Variants in DLG1 observed in about 807,000 individuals in gnomAD.
DLG1 encodes the protein discs large MAGUK scaffold protein 1, also known as disks large homolog 1.
Under a neutral mutation model 123.4 loss-of-function variants are expected in DLG1, and 42 were observed. The observed-to-expected ratio is 0.34, with a 90% CI of 0.27 to 0.44. DLG1 has a LOEUF of 0.44. DLG1 is among the 20% of genes least tolerant of loss of function. The pLI is 1.00. For synonymous variants in DLG1, 317 were observed against 356.2 expected (o/e 0.89, Z 1.24); for missense variants, 942 against 1,082.6 (o/e 0.87, Z 1.82).
chr3:197,050,942 A>G (rs1727181375), intron 24 of DLG1, among the ~76,000 whole-genome samples: 1 of 152,242 alleles, frequency 6.6e-6, no homozygotes, highest in Admixed American at 6.5e-5. Context: ...GCTAGAGAAA[A>G]TGGATCAAAA....
At position 197,106,117 on chromosome 3, in the gene DLG1, C is replaced by G. The variant is rs115447504; in HGVS notation, c.1444-1112G>C. 1.2e-4 allele frequency among the ~76,000 whole-genome samples: 19 copies of G among 152,096 alleles called. No individual in the cohort carries two copies. In the East Asian group the frequency reaches 3.7e-3, roughly 29 times the overall value. ...TATGCAACTAAATTTAAATACATAC[C>G]CCTTGAGGCTGGGCATGGTGGCTCA... On this transcript the variant is annotated intron_variant, in intron 13 of 24. Coordinates refer to ENST00000667157, the MANE Select transcript of DLG1 (RefSeq NM_001366207.1).
chr3:197,232,229 G>C (rs1267726316), intron 4 of DLG1, among the ~76,000 whole-genome samples: 4 of 151,956 alleles, frequency 2.6e-5, no homozygotes, highest in Non-Finnish European at 2.9e-5. Context: ...GACCAGGCAT[G>C]GTGGCTCACT....
intron 17 of DLG1, chr3:197,078,588 A>G (rs1748818318): frequency 2.0e-5 from 3 of 152,200 alleles, no homozygotes; most frequent in Admixed American, 2.0e-4. Flanking sequence ...CAGAAAAAGT[A>G]TTATGGAGAA....
Position 197,069,271 on chromosome 3 carries a change from A to G in DLG1, c.2006-11T>C. The G allele has an allele frequency of 6.3e-7, 1 of 1,575,844 alleles. No individual in the cohort carries two copies. Among genetic ancestry groups the G allele is most frequent in the Non-Finnish European group, 8.6e-7 (1 of 1,158,482 alleles). The stretch of plus-strand genomic sequence containing the variant: ...TAGAAGTTACATGCTCTGAAATTGC[A>G]GGACAATGAAAAAAAATAAAACAGT... On this transcript the variant is annotated splice_polypyrimidine_tract_variant and intron_variant, in intron 18 of 24. Transcript: ENST00000667157.
chr3:197,246,133 T>C (rs1751627600), intron 4 of DLG1, among the ~76,000 whole-genome samples: 1 of 152,142 alleles, frequency 6.6e-6, no homozygotes, highest in Admixed American at 6.5e-5. Flanking sequence ...GCGGACCGAT[T>C]ATTGGGCAGT....
chr3:197,134,472 C>CAAAAAAAAAAAAAAAAAAAA (rs11319273), intron 10 of DLG1, among the ~76,000 whole-genome samples: 1 of 96,578 alleles, frequency 1.0e-5, no homozygotes. Flanking sequence ...TTCATAATAC[C>CAAAAAAAAAAAAAAAAAAAA]AAAAAAAAAA....
chr3:197,160,697 T>C (rs2149883795), intron 5 of DLG1, among the ~76,000 whole-genome samples: 1 of 152,308 alleles, frequency 6.6e-6, no homozygotes, highest in South Asian at 2.1e-4. Flanking sequence ...ATGTTCCCAC[T>C]GACTTCACTT....
chr3:197,267,627 G>A (rs1188224379), intron 4 of DLG1, among the ~76,000 whole-genome samples: 1 of 150,842 alleles, frequency 6.6e-6, no homozygotes, highest in Non-Finnish European at 1.5e-5. Context: ...CACAGTAACT[G>A]TTCTCTTTTT....
At chr3:197,194,651 G>GT in intron 4 of DLG1, 62 bp from the exon 5 acceptor site, 2 of 1,243,950 alleles carry the variant, frequency 1.6e-6, no homozygotes, top group South Asian at 3.0e-5. Context: ...TCAAATCATG[G>GT]TTTTCATAAC....
chr3:197,290,599 G>T (rs1774347612), intron 3 of DLG1, among the ~76,000 whole-genome samples: 2 of 151,982 alleles, frequency 1.3e-5, no homozygotes. Context: ...CCCAAAATGA[G>T]AAAATTATAT....
At chr3:197,138,509 G>T in intron 8 of DLG1, 118 bp from the exon 9 acceptor site, 1 of 402,584 alleles carries the variant, frequency 2.5e-6, no homozygotes, top group Non-Finnish European at 3.8e-6. Flanking sequence ...AAATAATTCT[G>T]GAGTAATTCC....
chr3:197,128,839 T>G (rs969841350), intron 11 of DLG1, among the ~76,000 whole-genome samples: 3 of 151,370 alleles, frequency 2.0e-5, no homozygotes, highest in Admixed American at 6.6e-5. Flanking sequence ...AAAGGAGTGT[T>G]TTTTTTTTGT....
intron 9 of DLG1, among the ~76,000 whole-genome samples, chr3:197,137,283 G>A (rs1199790459): frequency 6.6e-6 from 1 of 152,116 alleles, no homozygotes; most frequent in Non-Finnish European, 1.5e-5. Flanking sequence ...AGCCATCAAT[G>A]TTTTAAAAAT....
At chr3:197,051,367 G>C (rs986610426) in intron 24 of DLG1, among the ~76,000 whole-genome samples, 11 of 152,158 alleles carry the variant, frequency 7.2e-5, no homozygotes, top group Non-Finnish European at 1.2e-4. Flanking sequence ...AGGTTGCGGT[G>C]AGCCGAGTCA....
intron 4 of DLG1, among the ~76,000 whole-genome samples, chr3:197,255,356 T>C (rs1466884983): frequency 1.3e-5 from 2 of 152,298 alleles, no homozygotes; most frequent in Non-Finnish European, 1.5e-5. Flanking sequence ...ACAGTGCTTA[T>C]GAAAAAATGT....
At chr3:197,095,788 A>G (rs957041132) in intron 14 of DLG1, among the ~76,000 whole-genome samples, 3 of 152,028 alleles carry the variant, frequency 2.0e-5, no homozygotes, top group African/African-American at 7.3e-5. Context: ...ATTATTTCCT[A>G]CTTTATTCAG....
chr3:197,267,852 T>C (rs979978040), intron 4 of DLG1, among the ~76,000 whole-genome samples: 4 of 152,182 alleles, frequency 2.6e-5, no homozygotes, highest in Admixed American at 6.5e-5. Context: ...TTTCTGTTTG[T>C]CTGTTTTTCT....
chr3:197,276,080 G>A (rs1172872375), intron 4 of DLG1, among the ~76,000 whole-genome samples: 1 of 152,114 alleles, frequency 6.6e-6, no homozygotes, highest in Non-Finnish European at 1.5e-5. Context: ...TAACCTCATG[G>A]TTTTCTTTTC....
intron 16 of DLG1, among the ~76,000 whole-genome samples, chr3:197,084,777 G>T (rs114468794): frequency 0.14 from 21,676 of 150,656 alleles, 1,667 homozygotes; most frequent in African/African-American, 0.17. Flanking sequence ...TATATATATA[G>T]ATAGATATAG....
Sources: gnomAD v4.1 joint callset for allele counts (sites outside exome capture counted in the v4.1 genomes callset) on GRCh38, gnomAD v4.1.1 for gene constraint, MANE v1.5 for transcripts, NCBI Gene and HGNC (gene_info 2026-07-23, HGNC 2026-07-21) for gene names.